Variants in NTSR1 observed in about 807,000 individuals in gnomAD.
The protein encoded by NTSR1 is neurotensin receptor type 1.
NTSR1 carries 29 observed loss-of-function variants against 31.2 expected under a neutral mutation model. The observed-to-expected ratio is 0.93, with a 90% CI of 0.69 to 1.27. The LOEUF is 1.27. Among genes scored for constraint, NTSR1 ranks in the 50% most tolerant of loss-of-function variants. NTSR1 has a pLI of 0.00. For missense variants in NTSR1, 697 were observed against 595.4 expected (o/e 1.17, Z -1.78); for synonymous variants, 282 against 269.9 (o/e 1.04, Z -0.44).
At position 62,714,321 on chromosome 20, in the gene NTSR1, G is replaced by A. The variant is rs1381550652; in HGVS notation, c.714+4400G>A. 6.6e-6 allele frequency among the ~76,000 whole-genome samples: 1 copy of A among 152,228 alleles called. No homozygotes were observed. Among genetic ancestry groups the A allele is most frequent in the Non-Finnish European group, 1.5e-5 (1 of 68,042 alleles). On this transcript the variant is annotated intron_variant, in intron 1 of 3. Transcript: ENST00000370501. The surrounding 1 kb of genome is among the most constrained non-coding windows in gnomAD (Gnocchi z 4.1). The stretch of plus-strand genomic sequence containing the variant: ...TCCAGTCTGAGCCCATGACCCTTTA[G>A]AGGAAAGGAATGGAGTATTTTTCCT...
intron 1 of NTSR1, among the ~76,000 whole-genome samples, chr20:62,719,719 A>T (rs1168738674): frequency 6.6e-6 from 1 of 152,240 alleles, no homozygotes; most frequent in Non-Finnish European, 1.5e-5. Flanking sequence ...CATTCCTGGG[A>T]TAGACCTCAT....
intron 1 of NTSR1, among the ~76,000 whole-genome samples, chr20:62,729,701 G>T (rs943291009): frequency 6.8e-6 from 1 of 147,718 alleles, no homozygotes; most frequent in Non-Finnish European, 1.5e-5. Flanking sequence ...CACGATCTCA[G>T]CTCTCCACCT....
intron 1 of NTSR1, among the ~76,000 whole-genome samples, chr20:62,748,741 C>A (rs1376220112): frequency 6.6e-6 from 1 of 152,114 alleles, no homozygotes; most frequent in Admixed American, 6.5e-5. Context: ...GTGATGGGAT[C>A]TGTGAGGACT....
At chr20:62,717,162 A>G (rs940331081) in intron 1 of NTSR1, among the ~76,000 whole-genome samples, 2 of 152,060 alleles carry the variant, frequency 1.3e-5, no homozygotes, top group African/African-American at 4.8e-5. Context: ...CCACCCCAGG[A>G]GGGCAAGGTG....
Position 62,745,965 on chromosome 20 carries a change from G to A in NTSR1, c.715-8720G>A, listed in dbSNP as rs1027587018. 5.9e-5 allele frequency among the ~76,000 whole-genome samples: 9 copies of A among 152,346 alleles called. No homozygotes were observed. Among genetic ancestry groups the A allele is most frequent in the South Asian group, 2.1e-4 (1 of 4,830 alleles). On this transcript the variant is annotated intron_variant, in intron 1 of 3. Transcript: ENST00000370501. This position sits in a 1 kb window ranked among gnomAD's most constrained non-coding sequence, Gnocchi z 4.1. ...AGTGGCGCTGAGGCATCCTCTGGCC[G>A]GCCCTGCATGGCCTTCAAGCTGCTT...
At position 62,749,160 on chromosome 20, in the gene NTSR1, G is replaced by C. The variant is rs148446049; in HGVS notation, c.715-5525G>C. On this transcript the variant is annotated intron_variant, in intron 1 of 3. Transcript: ENST00000370501. Reference sequence around the variant, plus strand: ...CCCCATGCAAGAGAATGAAATTGTAGGCCGGGCGCGGTGGCTCACGCCTAT... The same window carrying C: ...CCCCATGCAAGAGAATGAAATTGTACGCCGGGCGCGGTGGCTCACGCCTAT... Among the ~76,000 whole-genome samples the C allele has an allele frequency of 2.0e-3, 306 of 152,294 alleles. 7 individuals carry two copies. The South Asian group carries it at 0.022, about 11-fold the overall frequency.
chr20:62,741,109 G>A lies in NTSR1; in HGVS notation c.715-13576G>A, dbSNP rs1000202535. On this transcript the variant is annotated intron_variant, in intron 1 of 3. Coordinates refer to ENST00000370501, the MANE Select transcript of NTSR1 (RefSeq NM_002531.3). This position sits in a 1 kb window ranked among gnomAD's most constrained non-coding sequence, Gnocchi z 4.3. ...GCACCTGCCCAGCACAGGTAGAGGA[G>A]GCAAGGGTGTCAGGAAGGCTCTTTC... Among the ~76,000 whole-genome samples the A allele has an allele frequency of 2.6e-5, 4 of 152,044 alleles. No individual in the cohort carries two copies. The highest frequency in any genetic ancestry group is 9.7e-5 in the African/African-American group (4 of 41,398).
rs936548279 is a variant in NTSR1, at chr20:62,711,391, A to G, written c.714+1470A>G. On this transcript the variant is annotated intron_variant, in intron 1 of 3. Transcript: ENST00000370501. The surrounding 1 kb of genome is among the most constrained non-coding windows in gnomAD (Gnocchi z 6.4). ...TTTGAGGCTTTATCTGCTCTCCCCA[A>G]GCTCCTGTCTTTGATTGGCATTGGC... Among the ~76,000 whole-genome samples the G allele has an allele frequency of 1.1e-4, 16 of 152,210 alleles. No homozygotes were observed. Among genetic ancestry groups the G allele is most frequent in the African/African-American group, 3.9e-4 (16 of 41,530 alleles).
At chr20:62,730,582 C>T (rs902697296) in intron 1 of NTSR1, among the ~76,000 whole-genome samples, 2 of 152,206 alleles carry the variant, frequency 1.3e-5, no homozygotes, top group African/African-American at 2.4e-5. Flanking sequence ...GCTTTCACCC[C>T]TTTGGGAGTA....
intron 1 of NTSR1, among the ~76,000 whole-genome samples, chr20:62,713,983 C>A (rs1279280639): frequency 6.6e-6 from 1 of 152,120 alleles, no homozygotes; most frequent in Admixed American, 6.5e-5. Context: ...GCCTGTAATC[C>A]CAGCTACTTG....
At chr20:62,722,510 G>C (rs558102695) in intron 1 of NTSR1, among the ~76,000 whole-genome samples, 2 of 152,360 alleles carry the variant, frequency 1.3e-5, no homozygotes, top group Admixed American at 1.3e-4. Flanking sequence ...AGGAAAGCCG[G>C]TGTAGGCTTC....
At chr20:62,755,834 C>A (rs1450566941) in intron 2 of NTSR1, among the ~76,000 whole-genome samples, 3 of 45,246 alleles carry the variant, frequency 6.6e-5, no homozygotes, top group Non-Finnish European at 1.3e-4. Flanking sequence ...TCCATCCATC[C>A]CTCCCTCCCT....
intron 1 of NTSR1, among the ~76,000 whole-genome samples, chr20:62,721,773 G>C (rs1988830532): frequency 6.6e-6 from 1 of 152,192 alleles, no homozygotes. Context: ...TAGTTTCCAG[G>C]GATCCTTTCC....
intron 1 of NTSR1, among the ~76,000 whole-genome samples, chr20:62,734,496 G>A (rs941608400): frequency 6.6e-6 from 1 of 152,220 alleles, no homozygotes; most frequent in Non-Finnish European, 1.5e-5. Context: ...CCCACGCCCT[G>A]TGTCCGGGGC....
At chr20:62,719,868 G>T (rs1988803210) in intron 1 of NTSR1, among the ~76,000 whole-genome samples, 1 of 152,186 alleles carries the variant, frequency 6.6e-6, no homozygotes, top group South Asian at 2.1e-4. Flanking sequence ...AACATGAGCT[G>T]GGAGGTTCTT....
intron 1 of NTSR1, among the ~76,000 whole-genome samples, chr20:62,747,317 C>G (rs1989317191): frequency 6.8e-6 from 1 of 146,116 alleles, no homozygotes; most frequent in African/African-American, 2.5e-5. Context: ...AGACCCACAG[C>G]TAACACCACA....
At chr20:62,738,778 C>T (rs929954354) in intron 1 of NTSR1, among the ~76,000 whole-genome samples, 2 of 152,248 alleles carry the variant, frequency 1.3e-5, no homozygotes, top group South Asian at 2.1e-4. Flanking sequence ...CCTTGCTGCT[C>T]TTGGCAGCAG....
chr20:62,736,295 G>T (rs572344226), intron 1 of NTSR1, among the ~76,000 whole-genome samples: 56 of 152,350 alleles, frequency 3.7e-4, no homozygotes, highest in African/African-American at 1.2e-3. Context: ...GGCAGCTGGG[G>T]AGACCCTGGG....
chr20:62,740,160 G>A (rs900501353), intron 1 of NTSR1, among the ~76,000 whole-genome samples: 2 of 152,240 alleles, frequency 1.3e-5, no homozygotes, highest in Non-Finnish European at 2.9e-5. Flanking sequence ...GCTCCAAAGC[G>A]CTCTGTGCTA....
Sources: gnomAD v4.1 joint callset for allele counts (sites outside exome capture counted in the v4.1 genomes callset) on GRCh38, gnomAD v4.1.1 for gene constraint, Gnocchi (gnomAD v3.1) non-coding constraint, MANE v1.5 for transcripts, NCBI Gene and HGNC (gene_info 2026-07-23, HGNC 2026-07-21) for gene names.